CLEC16A: variants seen among roughly 807,000 people sequenced by gnomAD.
The protein encoded by CLEC16A is C-type lectin domain containing 16A.
In CLEC16A, 51 loss-of-function variants were observed where a neutral mutation model predicts 109.5. The ratio of observed to expected loss-of-function variants is 0.47; its 90% CI spans 0.37 to 0.59. The LOEUF (loss-of-function observed/expected upper bound fraction) is 0.59, where lower values mean the gene tolerates loss of function less well. Ranked by LOEUF, CLEC16A falls within the 20% of genes least tolerant of loss-of-function variation. CLEC16A has a pLI of 0.00. For synonymous variants in CLEC16A, 673 were observed against 564.2 expected (o/e 1.19, Z -2.73); for missense variants, 1,339 against 1,394.0 (o/e 0.96, Z 0.63).
chr16:10,994,048 T>C (rs1361719898), intron 10 of CLEC16A, among the ~76,000 whole-genome samples: 1 of 152,226 alleles, frequency 6.6e-6, no homozygotes, highest in African/African-American at 2.4e-5. Flanking sequence ...AGCACGCGGC[T>C]GCAAGAGGCC....
intron 22 of CLEC16A, among the ~76,000 whole-genome samples, chr16:11,129,822 G>A (rs868861566): frequency 1.3e-5 from 2 of 150,892 alleles, no homozygotes; most frequent in South Asian, 4.2e-4. Context: ...GGGTGCAGTG[G>A]CACAGTCTTG....
chr16:11,042,148 T>C (rs2047371121), intron 14 of CLEC16A, 106 bp from the exon 15 acceptor site: 2 of 739,358 alleles, frequency 2.7e-6, no homozygotes, highest in Non-Finnish European at 4.6e-6. Flanking sequence ...CCATGAGCAG[T>C]TGGTCTATCA....
intron 12 of CLEC16A, chr16:11,024,614 G>A (rs1861549): frequency 0.077 from 38,142 of 497,356 alleles, 1,663 homozygotes; most frequent in East Asian, 0.12. Context: ...CTGTTCCTTG[G>A]TCAGGTTCCC....
intron 1 of CLEC16A, among the ~76,000 whole-genome samples, chr16:10,953,228 G>A (rs1184872746): frequency 2.0e-5 from 3 of 152,226 alleles, no homozygotes; most frequent in Admixed American, 6.5e-5. Context: ...GACCCACATG[G>A]GTAGTCACCT....
At chr16:11,036,480 G>A in intron 13 of CLEC16A, among the ~76,000 whole-genome samples, 1 of 151,966 alleles carries the variant, frequency 6.6e-6, no homozygotes. Context: ...CCTCTTTTGG[G>A]CTGTCTGTAG....
At chr16:11,046,091 C>A (rs1413047890) in intron 16 of CLEC16A, among the ~76,000 whole-genome samples, 2 of 152,104 alleles carry the variant, frequency 1.3e-5, no homozygotes, top group Non-Finnish European at 2.9e-5. Context: ...AAAGCAGAAA[C>A]CTCAGGGTTG....
rs982808198 is a variant in CLEC16A at position 11,178,186 on chromosome 16, A to G, written c.2807-149A>G. The G allele has an allele frequency of 4.3e-5, 28 of 653,120 alleles. No individual in the cohort carries two copies. In the African/African-American group the frequency reaches 4.7e-4, roughly 11 times the overall value. 40.5% of individuals were successfully genotyped at this position (653,120 alleles called of 1,614,324 possible). ...TTGCAGGTTCTGTGTCCCCAAAAGG[A>G]GTGAGTGGAGCCACGCTGAGCCCTC... On this transcript the variant is annotated intron_variant, in intron 23 of 23. Coordinates refer to ENST00000409790, the MANE Select transcript of CLEC16A (RefSeq NM_015226.3). The surrounding 1 kb of genome is among the most constrained non-coding windows in gnomAD (Gnocchi z 6.5).
At chr16:11,063,477 C>A (rs547630164) in intron 19 of CLEC16A, among the ~76,000 whole-genome samples, 59 of 151,970 alleles carry the variant, frequency 3.9e-4, no homozygotes, top group Admixed American at 3.9e-4. Flanking sequence ...CCCTGATGAA[C>A]TTGAGAAAGC....
Position 10,986,012 on chromosome 16 carries a change from A to ATTTTTTTT in CLEC16A, c.1071+3050_1071+3057dup, listed in dbSNP as rs59547466. Among the ~76,000 whole-genome samples the ATTTTTTTT allele has an allele frequency of 2.8e-3, 123 of 43,452 alleles. 29 individuals are homozygous for ATTTTTTTT. Among genetic ancestry groups the ATTTTTTTT allele is most frequent in the African/African-American group, 4.2e-3 (37 of 8,822 alleles). The allele number at this position is 43,452 out of a possible 152,430, so 28.5% of individuals were successfully genotyped here. On this transcript the variant is annotated intron_variant, in intron 10 of 23. Transcript: ENST00000409790. ...TGAGACACTGCACCTGGCCTGCAGA[A>ATTTTTTTT]TTTTTTTTTTTTTTTTTTTTTTTTT...
chr16:11,094,160 T>C (rs1230539700), intron 19 of CLEC16A, among the ~76,000 whole-genome samples: 2 of 152,208 alleles, frequency 1.3e-5, no homozygotes, highest in Non-Finnish European at 2.9e-5. Flanking sequence ...ACTTCCTCTT[T>C]TGTACAGGGC....
At chr16:10,948,640 G>A (rs1170238227) in intron 1 of CLEC16A, among the ~76,000 whole-genome samples, 2 of 152,192 alleles carry the variant, frequency 1.3e-5, no homozygotes, top group Non-Finnish European at 2.9e-5. Context: ...TCCACTTTGT[G>A]TGGGGGTCAA....
intron 9 of CLEC16A, among the ~76,000 whole-genome samples, chr16:10,982,213 T>G (rs1273820079): frequency 6.6e-6 from 1 of 152,146 alleles, no homozygotes; most frequent in Non-Finnish European, 1.5e-5. Context: ...CTCTGAACAT[T>G]GGGCAACAGG....
rs528023969 is a variant in CLEC16A, at chr16:11,113,572, T to A, written c.2117-7043T>A. 1.2e-4 allele frequency among the ~76,000 whole-genome samples: 19 copies of A among 152,162 alleles called. No homozygotes were observed. In the East Asian group the frequency reaches 3.7e-3, roughly 29 times the overall value. Reference sequence around the variant, plus strand: ...AACTTGGGAGCCTGAGGTGAGAGGATCACTCGAGCCTGTGAGGCCGAGGCT... The same window carrying A: ...AACTTGGGAGCCTGAGGTGAGAGGAACACTCGAGCCTGTGAGGCCGAGGCT... On this transcript the variant is annotated intron_variant, in intron 19 of 23. Transcript: ENST00000409790.
chr16:10,996,029 C>T (rs1468074599), intron 10 of CLEC16A, among the ~76,000 whole-genome samples: 1 of 152,156 alleles, frequency 6.6e-6, no homozygotes, highest in Non-Finnish European at 1.5e-5. Flanking sequence ...CCACCGGTCT[C>T]TCTTTCCTTC....
At chr16:11,162,116 CTTCACAAATGCCAGAGCGTTA>C (rs1262835911) in intron 22 of CLEC16A, among the ~76,000 whole-genome samples, 8 of 152,234 alleles carry the variant, frequency 5.3e-5, no homozygotes, top group African/African-American at 1.9e-4. Context: ...TATTTTTGTG[CTTCACAAATGCCAGAGCGTTA>C]TTCATTAGTT....
intron 1 of CLEC16A, among the ~76,000 whole-genome samples, chr16:10,953,229 G>A (rs984234845): frequency 6.6e-6 from 1 of 152,234 alleles, no homozygotes; most frequent in African/African-American, 2.4e-5. Flanking sequence ...ACCCACATGG[G>A]TAGTCACCTG....
intron 12 of CLEC16A, among the ~76,000 whole-genome samples, chr16:11,020,561 T>A (rs76712996): frequency 2.7e-5 from 4 of 146,246 alleles, no homozygotes; most frequent in African/African-American, 1.0e-4. Flanking sequence ...CGCAACTCTC[T>A]CCCTGCCCTG....
intron 19 of CLEC16A, among the ~76,000 whole-genome samples, chr16:11,107,357 T>C (rs896235330): frequency 2.0e-5 from 3 of 152,166 alleles, no homozygotes; most frequent in African/African-American, 7.2e-5. Context: ...ACTGCCCCCT[T>C]TTCATGCTGG....
intron 11 of CLEC16A, among the ~76,000 whole-genome samples, chr16:11,015,019 C>T (rs1248808573): frequency 1.3e-5 from 2 of 152,216 alleles, no homozygotes; most frequent in African/African-American, 4.8e-5. Context: ...CAACTGGTCC[C>T]ATGCCCACAT....
Sources: allele counts gnomAD v4.1 joint callset (sites outside exome capture counted in the v4.1 genomes callset), GRCh38; gene constraint gnomAD v4.1.1; non-coding constraint Gnocchi (gnomAD v3.1); transcripts MANE v1.5; gene names NCBI Gene and HGNC (gene_info 2026-07-23, HGNC 2026-07-21).